The following RUBCNL variants were observed in gnomAD, a reference collection of about 807,000 sequenced individuals.
The protein encoded by RUBCNL is rubicon like autophagy enhancer, also known as protein associated with UVRAG as autophagy enhancer.
In RUBCNL, 62 loss-of-function variants were observed where a neutral mutation model predicts 69.5. The ratio of observed to expected loss-of-function variants is 0.89; its 90% CI spans 0.73 to 1.10. RUBCNL has a LOEUF of 1.10. RUBCNL is among the 50% of genes least tolerant of loss of function. The pLI, the probability that RUBCNL is intolerant of heterozygous loss-of-function variation, is 0.00. For synonymous variants in RUBCNL, 291 were observed against 303.6 expected, an observed-to-expected ratio of 0.96 and a Z score of 0.43; for missense variants, 768 against 798.1, an observed-to-expected ratio of 0.96 and a Z score of 0.45.
At chr13:46,371,783 G>T (rs1293275289) in intron 3 of RUBCNL, among the ~76,000 whole-genome samples, 158 bp downstream of exon 3, 1 of 152,234 alleles carries the variant, frequency 6.6e-6, no homozygotes. Flanking sequence ...GCCAATATTT[G>T]ATTTCACCTG....
upstream of RUBCNL, among the ~76,000 whole-genome samples, chr13:46,388,429 C>A (rs2049297556): frequency 7.4e-6 from 1 of 134,794 alleles, no homozygotes; most frequent in African/African-American, 2.9e-5. Flanking sequence ...GAACCTAAGC[C>A]CAGGAAGGAA....
chr13:46,357,117 C>A (rs765624540), intron 9 of RUBCNL, among the ~76,000 whole-genome samples: 2 of 150,816 alleles, frequency 1.3e-5, no homozygotes, highest in Non-Finnish European at 3.0e-5. Flanking sequence ...CTGAGGCAGG[C>A]GGATCACGAG....
In RUBCNL at chr13:46,372,347, G is replaced by A; in HGVS notation, c.129C>T (p.Asp43=). The A allele has an allele frequency of 6.2e-7, 1 of 1,614,016 alleles. No individual in the cohort carries two copies. Among genetic ancestry groups the A allele is most frequent in the Non-Finnish European group, 8.5e-7 (1 of 1,179,894 alleles). ...LNTDHPPCQL[D]IRLMRHKAVW... is the part of the protein sequence containing the mutation. ...CAGCTTTGTGCCTCATGAGCCTGATGTCTAATTGGCAAGGAGGATGGTCAG... is the reference window on the plus strand; with the variant it reads ...CAGCTTTGTGCCTCATGAGCCTGATATCTAATTGGCAAGGAGGATGGTCAG... The change falls in exon 3 of 15, where the codon GAC becomes GAT. Residue 43 remains aspartate (D), a synonymous_variant. Coordinates refer to ENST00000429979, the MANE Select transcript of RUBCNL (RefSeq NM_025113.5).
chr13:46,385,278 A>T (rs977071243), intron 1 of RUBCNL: 1 of 983,894 alleles, frequency 1.0e-6, no homozygotes, highest in African/African-American at 1.7e-5. Context: ...CCAGCTTCTT[A>T]ACTGAGTCAT....
chr13:46,357,287 C>G (rs1319795865), intron 9 of RUBCNL, among the ~76,000 whole-genome samples: 1 of 146,860 alleles, frequency 6.8e-6, no homozygotes, highest in Non-Finnish European at 1.5e-5. Flanking sequence ...GAGCCAAGAT[C>G]GCGCCACTGC....
rs1358389136 is a variant in RUBCNL, at chr13:46,336,726, A to G, written c.*6659T>C. Among the ~76,000 whole-genome samples the G allele has an allele frequency of 6.6e-6, 1 of 152,112 alleles. No individual in the cohort carries two copies. Among genetic ancestry groups the G allele is most frequent in the Non-Finnish European group, 1.5e-5 (1 of 68,032 alleles). ...GTAGAATGGTTGAGATGGAAATGCT[A>G]TTGTTGTAGGTAAAGGAAGAAAGAG... On this transcript the variant is annotated 3_prime_UTR_variant, in exon 15 of 15. Coordinates refer to ENST00000429979, the MANE Select transcript of RUBCNL (RefSeq NM_025113.5).
At chr13:46,369,511 C>T (rs1175584605) in intron 3 of RUBCNL, among the ~76,000 whole-genome samples, 1 of 152,206 alleles carries the variant, frequency 6.6e-6, no homozygotes, top group Non-Finnish European at 1.5e-5. Flanking sequence ...AGCCACTGCA[C>T]CCAGCCCTAA....
At chr13:46,362,263 A>G (rs771752618) in intron 7 of RUBCNL, among the ~76,000 whole-genome samples, 8 of 152,118 alleles carry the variant, frequency 5.3e-5, no homozygotes, top group Non-Finnish European at 1.0e-4. Context: ...AAAAACATAA[A>G]TATACACACA....
intron 12 of RUBCNL, among the ~76,000 whole-genome samples, chr13:46,348,279 T>C (rs751126603): frequency 6.6e-6 from 1 of 152,174 alleles, no homozygotes; most frequent in Non-Finnish European, 1.5e-5. Context: ...TGCATAACGA[T>C]GTTAATACTT....
chr13:46,355,469 T>C (rs1375912100), intron 10 of RUBCNL, among the ~76,000 whole-genome samples: 13 of 152,088 alleles, frequency 8.5e-5, no homozygotes, highest in Non-Finnish European at 1.9e-4. Flanking sequence ...CTAATTTTTT[T>C]GTATTTTTAG....
At chr13:46,350,778 C>T (rs2048353369) in intron 10 of RUBCNL, 1 of 163,432 alleles carries the variant, frequency 6.1e-6, no homozygotes, top group Non-Finnish European at 1.3e-5. Flanking sequence ...TGTTATTACA[C>T]ATAGGAAAAG....
intron 1 of RUBCNL, among the ~76,000 whole-genome samples, chr13:46,384,386 A>C (rs1270990950): frequency 6.6e-6 from 1 of 152,220 alleles, no homozygotes; most frequent in Non-Finnish European, 1.5e-5. Flanking sequence ...AAAGTATAAG[A>C]AGAATACATT....
At chr13:46,387,607 T>C (rs926298308), upstream of RUBCNL, 3 of 985,258 alleles carry the variant, frequency 3.0e-6, no homozygotes, top group Non-Finnish European at 3.6e-6. Context: ...TATTTAGCAG[T>C]CATACAATTG....
Position 46,368,726 on chromosome 13 carries a change from C to T in RUBCNL, c.618+7G>A. 6.2e-7 allele frequency: 1 copy of T among 1,607,180 alleles called. No individual in the cohort carries two copies. Among genetic ancestry groups the T allele is most frequent in the Non-Finnish European group, 8.5e-7 (1 of 1,175,076 alleles). On this transcript the variant is annotated splice_region_variant and intron_variant, in intron 4 of 14. Coordinates refer to ENST00000429979, the MANE Select transcript of RUBCNL (RefSeq NM_025113.5). The stretch of plus-strand genomic sequence containing the variant: ...CTATGGTTAAAAAGAAAGAAGATAG[C>T]ATTCACCTTTTCTACATCAACAGGC...
At chr13:46,347,004 T>A (rs540084172) in intron 12 of RUBCNL, among the ~76,000 whole-genome samples, 23 of 152,272 alleles carry the variant, frequency 1.5e-4, no homozygotes, top group African/African-American at 5.5e-4. Context: ...TTATTTTAGA[T>A]TTGGGGGTAT....
chr13:46,368,638 T>C (rs567444227), intron 4 of RUBCNL, 95 bp downstream of exon 4: 6 of 1,319,358 alleles, frequency 4.5e-6, no homozygotes, highest in South Asian at 1.4e-5. Flanking sequence ...CTATTTGTAA[T>C]GATTCATCAA....
chr13:46,343,199 G>T lies in RUBCNL; in HGVS notation c.*186C>A. On this transcript the variant is annotated 3_prime_UTR_variant, in exon 15 of 15. Transcript: ENST00000429979. ...TTTGTAAACAAAACCACAACTATCA[G>T]CCCTGTGCTTAAACACAGAATCTGC... is the stretch of plus-strand genomic sequence containing the variant. The T allele has an allele frequency of 3.2e-6, 3 of 946,562 alleles. No individual in the cohort carries two copies. Among genetic ancestry groups the T allele is most frequent in the Non-Finnish European group, 3.1e-6 (2 of 647,696 alleles). The allele number at this position is 946,562 out of a possible 1,614,324, so 58.6% of individuals were successfully genotyped here. A position where few individuals can be genotyped will look rare whatever the true frequency, so the allele number is the denominator to read the frequency against.
At chr13:46,376,596 A>G (rs2049000166) in intron 2 of RUBCNL, among the ~76,000 whole-genome samples, 2 of 152,180 alleles carry the variant, frequency 1.3e-5, no homozygotes, top group Non-Finnish European at 2.9e-5. Context: ...TGGATTTTAT[A>G]ATTACAAAAG....
At chr13:46,348,325 A>G (rs961140162) in intron 12 of RUBCNL, among the ~76,000 whole-genome samples, 2 of 152,228 alleles carry the variant, frequency 1.3e-5, no homozygotes, top group African/African-American at 2.4e-5. Flanking sequence ...AATGGTTAAG[A>G]TGGTAAATTT....
Sources: gnomAD v4.1 joint callset for allele counts (sites outside exome capture counted in the v4.1 genomes callset) on GRCh38, gnomAD v4.1.1 for gene constraint, MANE v1.5 for transcripts, NCBI Gene and HGNC (gene_info 2026-07-23, HGNC 2026-07-21) for gene names.